Variants in SEC24D observed in about 807,000 individuals in gnomAD.
SEC24D encodes SEC24 homolog D, COPII component, also known as protein transport protein Sec24D.
SEC24D carries 69 observed loss-of-function variants against 116.9 expected under a neutral mutation model. That is an observed-to-expected ratio of 0.59 (90% CI 0.49 to 0.72). The LOEUF (loss-of-function observed/expected upper bound fraction) is 0.72. Among genes scored for constraint, SEC24D ranks in the 30% least tolerant of loss-of-function variants. SEC24D has a pLI of 0.00. For missense variants in SEC24D, 1,131 were observed against 1,264.1 expected (o/e 0.89, Z 1.60); for synonymous variants, 405 against 442.8 (o/e 0.91, Z 1.07).
chr4:118,798,931 A>G (rs1466616366), intron 7 of SEC24D, among the ~76,000 whole-genome samples: 1 of 152,230 alleles, frequency 6.6e-6, no homozygotes, highest in East Asian at 1.9e-4. Flanking sequence ...GCGAAGCAAC[A>G]GGCCAGATGA....
At chr4:118,772,711 C>T (rs1000693139) in intron 8 of SEC24D, among the ~76,000 whole-genome samples, 1 of 152,114 alleles carries the variant, frequency 6.6e-6, no homozygotes, top group African/African-American at 2.4e-5. Context: ...CATTAGCCAT[C>T]GTGGTGCAAA....
chr4:118,802,116 T>C (rs530468267), intron 7 of SEC24D, among the ~76,000 whole-genome samples: 44 of 151,658 alleles, frequency 2.9e-4, no homozygotes, highest in East Asian at 9.7e-4. Flanking sequence ...GAAGAGCAAA[T>C]AGATTAAGAA....
At chr4:118,768,555 T>C (rs1022367720) in intron 8 of SEC24D, among the ~76,000 whole-genome samples, 4 of 152,122 alleles carry the variant, frequency 2.6e-5, no homozygotes, top group Non-Finnish European at 5.9e-5. Context: ...CCACCAAGCC[T>C]GGCTAATTTT....
At position 118,745,103 on chromosome 4, in the gene SEC24D, G is replaced by C; in HGVS notation, c.1708-43C>G. ...CCCAAAAACCCACAGAAAATGCCGT[G>C]AGTAGGAACATTTTAAGAGAATCAG... On this transcript the variant is annotated intron_variant, in intron 13 of 22. Coordinates refer to ENST00000280551, the MANE Select transcript of SEC24D (RefSeq NM_014822.4). 3 of 1,038,370 alleles carry C rather than the reference G, an allele frequency of 2.9e-6. No homozygotes were observed. The East Asian group carries it at 7.1e-5, about 25-fold the overall frequency. 64.3% of individuals were successfully genotyped at this position (1,038,370 alleles called of 1,614,324 possible).
intron 7 of SEC24D, among the ~76,000 whole-genome samples, chr4:118,802,772 T>C (rs1729500969): frequency 6.6e-6 from 1 of 152,182 alleles, no homozygotes; most frequent in East Asian, 1.9e-4. Flanking sequence ...AAGCAGGGGC[T>C]CGCATAGATA....
intron 22 of SEC24D, among the ~76,000 whole-genome samples, chr4:118,725,588 G>T (rs1578368987): frequency 6.6e-6 from 1 of 151,692 alleles, no homozygotes; most frequent in South Asian, 2.1e-4. Context: ...CTCATCTGAG[G>T]TATTTTCTAT....
intron 3 of SEC24D, among the ~76,000 whole-genome samples, chr4:118,817,898 T>C (rs570041241): frequency 6.6e-6 from 1 of 151,816 alleles, no homozygotes; most frequent in South Asian, 2.1e-4. Context: ...CAAAATAAAA[T>C]AAAAAATTAG....
In SEC24D at chr4:118,742,813, G is replaced by A. The variant is rs539479124; in HGVS notation, c.1995+1175C>T. On this transcript the variant is annotated intron_variant, in intron 15 of 22. Transcript: ENST00000280551. ...CCCTGACCCCTTCTCCTTAGGTGAT[G>A]GGGAGTGACTCATCTGATTAATAAG... Among the ~76,000 whole-genome samples the A allele has an allele frequency of 7.9e-5, 12 of 152,310 alleles. No homozygotes were observed. The East Asian group carries it at 1.9e-3, about 24-fold the overall frequency.
intron 8 of SEC24D, among the ~76,000 whole-genome samples, chr4:118,793,359 T>C (rs1342286650): frequency 4.1e-5 from 6 of 146,170 alleles, no homozygotes; most frequent in East Asian, 4.0e-4. Context: ...CCCAGCTACT[T>C]GGGAGGCTGA....
chr4:118,746,874 A>C (rs1244604800), intron 13 of SEC24D, among the ~76,000 whole-genome samples: 1 of 152,102 alleles, frequency 6.6e-6, no homozygotes, highest in Non-Finnish European at 1.5e-5. Context: ...GTGACATTCT[A>C]AGCTCTGTGG....
At chr4:118,749,310 A>G (rs554812705) in intron 13 of SEC24D, among the ~76,000 whole-genome samples, 5 of 152,326 alleles carry the variant, frequency 3.3e-5, no homozygotes, top group Admixed American at 6.5e-5. Flanking sequence ...AGAACTTTCC[A>G]AACAGTTGCT....
intron 3 of SEC24D, among the ~76,000 whole-genome samples, chr4:118,817,856 T>C (rs898783040): frequency 4.0e-5 from 6 of 151,434 alleles, no homozygotes; most frequent in South Asian, 2.1e-4. Flanking sequence ...CTGGGCAACA[T>C]AGTGAGACCC....
At position 118,742,169 on chromosome 4, in the gene SEC24D, T is replaced by A. The variant is rs1295497671; in HGVS notation, c.1996-1132A>T. On this transcript the variant is annotated intron_variant, in intron 15 of 22. Coordinates refer to ENST00000280551, the MANE Select transcript of SEC24D (RefSeq NM_014822.4). ...GGGGTTGGCAAGTAACTCAAAAACT[T>A]AAATAGAAAAAAAAAAGTAATAAGC... Among the ~76,000 whole-genome samples the A allele has an allele frequency of 2.8e-4, 42 of 151,610 alleles. 2 individuals are homozygous for A. The highest frequency in any genetic ancestry group is 2.8e-3 in the Admixed American group (42 of 15,238).
At chr4:118,744,811 C>T in intron 14 of SEC24D, 133 bp downstream of exon 14, 1 of 551,208 alleles carries the variant, frequency 1.8e-6, no homozygotes, top group Non-Finnish European at 3.2e-6. Flanking sequence ...CCAAAATATT[C>T]CTGTAATATG....
chr4:118,796,275 G>GC (rs1269498038), intron 8 of SEC24D, among the ~76,000 whole-genome samples: 1 of 152,146 alleles, frequency 6.6e-6, no homozygotes, highest in Non-Finnish European at 1.5e-5. Context: ...GTACATAGCG[G>GC]CATCTCTGTC....
chr4:118,773,984 T>C (rs1728025514), intron 8 of SEC24D, among the ~76,000 whole-genome samples: 1 of 152,142 alleles, frequency 6.6e-6, no homozygotes, highest in African/African-American at 2.4e-5. Flanking sequence ...CTATCATGTG[T>C]CTTCTAAAAA....
chr4:118,810,139 A>AGTGTGTGTGTGT (rs1729858884), intron 6 of SEC24D, among the ~76,000 whole-genome samples: 9 of 37,390 alleles, frequency 2.4e-4, no homozygotes, highest in African/African-American at 4.2e-4. Context: ...TGTGTGTGTC[A>AGTGTGTGTGTGT]GAGGGTATAG....
chr4:118,774,140 A>G (rs1165195981), intron 8 of SEC24D, among the ~76,000 whole-genome samples: 1 of 151,830 alleles, frequency 6.6e-6, no homozygotes. Flanking sequence ...TTGCATTTTC[A>G]GAAGATTTTA....
chr4:118,727,763 A>G (rs1324516091), intron 22 of SEC24D, among the ~76,000 whole-genome samples: 2 of 152,112 alleles, frequency 1.3e-5, no homozygotes, highest in African/African-American at 4.8e-5. Flanking sequence ...ACTGTTCTAG[A>G]AAAGTTGTGT....
Sources: allele counts gnomAD v4.1 joint callset (sites outside exome capture counted in the v4.1 genomes callset), GRCh38; gene constraint gnomAD v4.1.1; transcripts MANE v1.5; gene names NCBI Gene and HGNC (gene_info 2026-07-23, HGNC 2026-07-21).